Variants in CAMK2D observed in about 807,000 individuals in gnomAD.
The protein encoded by CAMK2D is calcium/calmodulin-dependent protein kinase type II subunit delta.
CAMK2D carries 37 observed loss-of-function variants against 84.0 expected under a neutral mutation model. The observed-to-expected ratio is 0.44, with a 90% CI of 0.34 to 0.58. The LOEUF is 0.58. Among genes scored for constraint, CAMK2D ranks in the 20% least tolerant of loss-of-function variants. The pLI is 0.02. For missense variants in CAMK2D, 448 were observed against 652.5 expected, an observed-to-expected ratio of 0.69 and a Z score of 3.41; for synonymous variants, 202 against 212.5, an observed-to-expected ratio of 0.95 and a Z score of 0.43.
chr4:113,594,355 T>A (rs1309657978), intron 4 of CAMK2D, among the ~76,000 whole-genome samples: 1 of 152,148 alleles, frequency 6.6e-6, no homozygotes, highest in Non-Finnish European at 1.5e-5. Flanking sequence ...TAGTACATCA[T>A]GCCCACCTTT....
chr4:113,562,167 T>G (rs963734270), intron 4 of CAMK2D, among the ~76,000 whole-genome samples: 1 of 152,374 alleles, frequency 6.6e-6, no homozygotes, highest in East Asian at 1.9e-4. Context: ...GCCATATTTC[T>G]AAATTATGGA....
intron 16 of CAMK2D, among the ~76,000 whole-genome samples, chr4:113,489,990 T>A (rs989417774): frequency 6.6e-6 from 1 of 150,780 alleles, no homozygotes; most frequent in African/African-American, 2.5e-5. Flanking sequence ...GATGGGGTTG[T>A]TTGTTTTTTT....
At chr4:113,464,432 T>G (rs1354564911) in intron 17 of CAMK2D, among the ~76,000 whole-genome samples, 6 of 152,230 alleles carry the variant, frequency 3.9e-5, no homozygotes, top group African/African-American at 1.2e-4. Context: ...ACACGTTTTA[T>G]CTATTTAGGT....
At chr4:113,472,273 A>G (rs2097556253) in intron 16 of CAMK2D, among the ~76,000 whole-genome samples, 1 of 152,184 alleles carries the variant, frequency 6.6e-6, no homozygotes, top group Non-Finnish European at 1.5e-5. Flanking sequence ...TATATAAAAT[A>G]CTGTGTACAT....
At chr4:113,565,039 A>T (rs2098715638) in intron 4 of CAMK2D, among the ~76,000 whole-genome samples, 1 of 152,240 alleles carries the variant, frequency 6.6e-6, no homozygotes, top group African/African-American at 2.4e-5. Context: ...AAATGAAAGC[A>T]GTTAAGTCAG....
chr4:113,687,339 T>C (rs2099362877), intron 2 of CAMK2D, among the ~76,000 whole-genome samples: 1 of 152,238 alleles, frequency 6.6e-6, no homozygotes, highest in African/African-American at 2.4e-5. Context: ...TTTAACTTAC[T>C]AACCATCAAT....
At chr4:113,504,548 G>A (rs1456242523) in intron 14 of CAMK2D, among the ~76,000 whole-genome samples, 2 of 152,168 alleles carry the variant, frequency 1.3e-5, no homozygotes, top group Non-Finnish European at 2.9e-5. Context: ...CTTTCATGTT[G>A]TCTAGCAACA....
At chr4:113,709,723 G>A (rs1301376941) in intron 2 of CAMK2D, among the ~76,000 whole-genome samples, 3 of 102,198 alleles carry the variant, frequency 2.9e-5, no homozygotes, top group Non-Finnish European at 5.6e-5. Flanking sequence ...GTGGAGTAGA[G>A]TGAAAAGCTA....
intron 8 of CAMK2D, among the ~76,000 whole-genome samples, chr4:113,519,098 C>T (rs2098324886): frequency 6.6e-6 from 1 of 151,850 alleles, no homozygotes; most frequent in Non-Finnish European, 1.5e-5. Flanking sequence ...TCTCAGGAGG[C>T]AAGTAGAAAA....
Position 113,452,576 on chromosome 4 carries a change from A to G in CAMK2D, c.*1969T>C, listed in dbSNP as rs544152195. 20 of 152,730 alleles carry G rather than the reference A, an allele frequency of 1.3e-4. No homozygotes were observed. In the South Asian group the frequency reaches 4.1e-3, roughly 32 times the overall value. The allele number at this position is 152,730 out of a possible 1,614,324, so 9.5% of individuals were successfully genotyped here. On this transcript the variant is annotated 3_prime_UTR_variant, in exon 21 of 21. Transcript: ENST00000511664. Reference sequence around the variant, plus strand: ...TTTGTGGTGGAGAGAACAAATCACAATTTCCTCACATCTTAGTGCGGAAGA... The same window carrying G: ...TTTGTGGTGGAGAGAACAAATCACAGTTTCCTCACATCTTAGTGCGGAAGA...
intron 5 of CAMK2D, 135 bp downstream of exon 5, chr4:113,551,896 G>GT (rs888862983): frequency 1.2e-4 from 51 of 442,626 alleles, no homozygotes; most frequent in South Asian, 3.8e-4. Flanking sequence ...GATTCATGGA[G>GT]TTTTTTTTCT....
intron 4 of CAMK2D, among the ~76,000 whole-genome samples, chr4:113,570,541 A>T (rs9884936): frequency 0.19 from 28,463 of 152,124 alleles, 2,783 homozygotes; most frequent in East Asian, 0.31. Context: ...AGAATACATA[A>T]GGAGGAAAAA....
intron 16 of CAMK2D, among the ~76,000 whole-genome samples, chr4:113,485,952 T>C (rs1489042165): frequency 2.0e-5 from 3 of 152,212 alleles, no homozygotes; most frequent in Admixed American, 1.3e-4. Flanking sequence ...ACCTGGTTAA[T>C]AGTACCTTCC....
intron 2 of CAMK2D, among the ~76,000 whole-genome samples, chr4:113,690,340 C>A (rs536977168): frequency 1.3e-5 from 2 of 152,192 alleles, no homozygotes; most frequent in Non-Finnish European, 2.9e-5. Flanking sequence ...TACATCTCAT[C>A]TGAATTCCTA....
chr4:113,515,599 T>C (rs1363330331), intron 9 of CAMK2D, among the ~76,000 whole-genome samples: 2 of 152,220 alleles, frequency 1.3e-5, no homozygotes, highest in Non-Finnish European at 2.9e-5. Flanking sequence ...TGTACCAATG[T>C]CATCATGATA....
intron 13 of CAMK2D, among the ~76,000 whole-genome samples, chr4:113,505,721 G>A (rs1465357681): frequency 6.6e-6 from 1 of 152,170 alleles, no homozygotes; most frequent in Non-Finnish European, 1.5e-5. Context: ...TATCACTGCA[G>A]AATATATTTG....
At chr4:113,548,278 A>G (rs938346578) in intron 5 of CAMK2D, among the ~76,000 whole-genome samples, 3 of 152,212 alleles carry the variant, frequency 2.0e-5, no homozygotes, top group Non-Finnish European at 4.4e-5. Flanking sequence ...TTGTTCTGCT[A>G]CAGCAACCCA....
At chr4:113,527,495 T>C (rs1385555997) in intron 8 of CAMK2D, among the ~76,000 whole-genome samples, 3 of 152,260 alleles carry the variant, frequency 2.0e-5, no homozygotes, top group Admixed American at 1.3e-4. Context: ...ATAACTTCTA[T>C]ATGTACTGGG....
chr4:113,637,048 G>C (rs2099112614), intron 3 of CAMK2D, among the ~76,000 whole-genome samples: 1 of 152,112 alleles, frequency 6.6e-6, no homozygotes, highest in African/African-American at 2.4e-5. Flanking sequence ...TATCTGCAAG[G>C]CATGCTCCCT....
Sources: allele counts gnomAD v4.1 joint callset (sites outside exome capture counted in the v4.1 genomes callset), GRCh38; gene constraint gnomAD v4.1.1; transcripts MANE v1.5; gene names NCBI Gene and HGNC (gene_info 2026-07-23, HGNC 2026-07-21).